Variants in CDH9 observed in about 807,000 individuals in gnomAD.
CDH9 encodes cadherin 9, also known as cadherin-9.
Under a neutral mutation model 70.9 loss-of-function variants are expected in CDH9, and 28 were observed. That is an observed-to-expected ratio of 0.40 (90% CI 0.29 to 0.54). CDH9 has a LOEUF of 0.54. CDH9 is among the 20% of genes least tolerant of loss of function. The pLI is 0.59. For missense variants in CDH9, 874 were observed against 984.4 expected (o/e 0.89, Z 1.50); for synonymous variants, 409 against 343.1 (o/e 1.19, Z -2.12).
At chr5:26,912,204 A>G (rs1741066132) in intron 3 of CDH9, among the ~76,000 whole-genome samples, 1 of 152,034 alleles carries the variant, frequency 6.6e-6, no homozygotes, top group South Asian at 2.1e-4. Context: ...TTATTTATAG[A>G]TGTATTCTTA....
chr5:26,908,883 A>G (rs1404996806), intron 3 of CDH9, among the ~76,000 whole-genome samples: 1 of 152,200 alleles, frequency 6.6e-6, no homozygotes, highest in Non-Finnish European at 1.5e-5. Flanking sequence ...AGTGTGTTAG[A>G]TTATAGGGAA....
intron 2 of CDH9, 26 bp from the exon 3 acceptor site, chr5:26,915,950 T>C: frequency 6.7e-7 from 1 of 1,486,246 alleles, no homozygotes; most frequent in South Asian, 1.2e-5. Context: ...AAAGAAGAGT[T>C]CTGTAAATAT....
chr5:26,907,795 T>G (rs985321371), intron 3 of CDH9, among the ~76,000 whole-genome samples: 4 of 152,076 alleles, frequency 2.6e-5, no homozygotes, highest in Non-Finnish European at 5.9e-5. Context: ...TTCAGTATAT[T>G]TTACATAATT....
chr5:26,962,417 A>G (rs538322155), intron 2 of CDH9, among the ~76,000 whole-genome samples: 1 of 152,298 alleles, frequency 6.6e-6, no homozygotes, highest in African/African-American at 2.4e-5. Context: ...ACAATGGTTG[A>G]ATTAATTTAC....
Position 26,881,022 on chromosome 5 carries a change from A to C in CDH9, c.*114T>G, listed in dbSNP as rs559559081. On this transcript the variant is annotated 3_prime_UTR_variant, in exon 12 of 12. Coordinates refer to ENST00000231021, the MANE Select transcript of CDH9 (RefSeq NM_016279.4). Reference sequence around the variant, plus strand: ...AATCCCTACTTGACAACATCTACGTATTGTTTGTAACTTCAATTTTTGAAA... The same window carrying C: ...AATCCCTACTTGACAACATCTACGTCTTGTTTGTAACTTCAATTTTTGAAA... 1.1e-6 allele frequency: 1 copy of C among 923,084 alleles called. No homozygotes were observed. Among genetic ancestry groups the C allele is most frequent in the East Asian group, 2.5e-5 (1 of 40,790 alleles). 57.2% of individuals were successfully genotyped at this position (923,084 alleles called of 1,614,324 possible). A position where few individuals can be genotyped will look rare whatever the true frequency, so the allele number is the denominator to read the frequency against.
Position 26,915,618 on chromosome 5 carries a change from G to C in CDH9, c.523+12C>G. 1 of 1,505,346 alleles carries C rather than the reference G, an allele frequency of 6.6e-7. No homozygotes were observed. The highest frequency in any genetic ancestry group is 9.2e-7 in the Non-Finnish European group (1 of 1,081,790). The allele number at this position is 1,505,346 out of a possible 1,614,324, so 93.2% of individuals were successfully genotyped here. A position where few individuals can be genotyped will look rare whatever the true frequency, so the allele number is the denominator to read the frequency against. Reference sequence around the variant, plus strand: ...AATAAAAAGTAGTTTACATGGATTAGAATATACCTACCGACTCCAGACATT... The same window carrying C: ...AATAAAAAGTAGTTTACATGGATTACAATATACCTACCGACTCCAGACATT... On this transcript the variant is annotated intron_variant, in intron 3 of 11. Coordinates refer to ENST00000231021, the MANE Select transcript of CDH9 (RefSeq NM_016279.4).
chr5:26,912,933 T>TA (rs1741078418), intron 3 of CDH9, among the ~76,000 whole-genome samples: 1 of 152,100 alleles, frequency 6.6e-6, no homozygotes, highest in Non-Finnish European at 1.5e-5. Context: ...CTGATGGTTT[T>TA]AAAAACAGGA....
At position 26,881,192 on chromosome 5, in the gene CDH9, G is replaced by T. The variant is rs1404310613; in HGVS notation, c.2314C>A (p.Pro772Thr). 1 of 1,612,728 alleles carries T rather than the reference G, an allele frequency of 6.2e-7. No homozygotes were observed. Among genetic ancestry groups the T allele is most frequent in the Non-Finnish European group, 8.5e-7 (1 of 1,179,186 alleles). Residue 772 changes from proline (P) to threonine (T), a missense_variant, in exon 12 of 12, where the codon CCT (proline) becomes ACT (threonine). Transcript: ENST00000231021. ...QDYDYLSDWG[P>T]RFKKLADMYG... ...ATATCGGCAAGTTTTTTGAAACGAGGCCCCCAGTCACTGAGGTAATCATAA... is the reference window on the plus strand; with the variant it reads ...ATATCGGCAAGTTTTTTGAAACGAGTCCCCCAGTCACTGAGGTAATCATAA...
intron 1 of CDH9, among the ~76,000 whole-genome samples, chr5:27,004,185 A>T (rs1011229384): frequency 2.2e-4 from 33 of 151,522 alleles, no homozygotes; most frequent in Non-Finnish European, 4.0e-4. Flanking sequence ...GAGATAGGGC[A>T]TGAGACATGA....
At chr5:26,962,968 T>C (rs1050977583) in intron 2 of CDH9, among the ~76,000 whole-genome samples, 3 of 152,294 alleles carry the variant, frequency 2.0e-5, no homozygotes, top group African/African-American at 7.2e-5. Flanking sequence ...CTCAATATAT[T>C]TTCCTACAGA....
intron 1 of CDH9, among the ~76,000 whole-genome samples, chr5:27,000,978 T>A (rs1742757311): frequency 6.6e-6 from 1 of 152,008 alleles, no homozygotes; most frequent in Non-Finnish European, 1.5e-5. Flanking sequence ...GATGAACAGG[T>A]GAAGCAAAGG....
intron 2 of CDH9, among the ~76,000 whole-genome samples, chr5:26,979,111 C>G (rs946891201): frequency 6.6e-6 from 1 of 151,396 alleles, no homozygotes; most frequent in Non-Finnish European, 1.5e-5. Flanking sequence ...AAAAGATTAT[C>G]TTTATTTCTA....
chr5:26,901,910 A>C (rs1406269966), intron 7 of CDH9, among the ~76,000 whole-genome samples: 1 of 151,960 alleles, frequency 6.6e-6, no homozygotes, highest in Non-Finnish European at 1.5e-5. Context: ...CTCTGTTATG[A>C]GAATATAATT....
chr5:27,027,592 GAAGTATAGAGTATAACT>G, intron 1 of CDH9, among the ~76,000 whole-genome samples: 1 of 152,172 alleles, frequency 6.6e-6, no homozygotes, highest in African/African-American at 2.4e-5. Context: ...ACTCACACAT[GAAGTATAGAGTATAACT>G]AATTTTTGTA....
At chr5:26,906,895 A>G in intron 3 of CDH9, 57 bp from the exon 4 acceptor site, 1 of 1,497,444 alleles carries the variant, frequency 6.7e-7, no homozygotes. Context: ...AATCTGAAAC[A>G]ATCTTTCTTA....
At chr5:26,991,810 C>A (rs1439598167) in intron 1 of CDH9, among the ~76,000 whole-genome samples, 1 of 152,046 alleles carries the variant, frequency 6.6e-6, no homozygotes, top group Non-Finnish European at 1.5e-5. Flanking sequence ...TCATTTATAT[C>A]AGGAGAAAAG....
At chr5:27,001,842 A>ACTCTCTCTCTCTCTCT (rs1430161167) in intron 1 of CDH9, among the ~76,000 whole-genome samples, 12 of 125,856 alleles carry the variant, frequency 9.5e-5, no homozygotes, top group African/African-American at 3.4e-4. Flanking sequence ...ACACACACAC[A>ACTCTCTCTCTCTCTCT]CACTCTCTCT....
chr5:26,953,675 T>A (rs1741891537), intron 2 of CDH9, among the ~76,000 whole-genome samples: 1 of 152,320 alleles, frequency 6.6e-6, no homozygotes, highest in African/African-American at 2.4e-5. Context: ...TGCCTATACC[T>A]TTTGTTTCCT....
intron 2 of CDH9, among the ~76,000 whole-genome samples, chr5:26,968,209 A>C (rs1393671399): frequency 6.6e-6 from 1 of 152,202 alleles, no homozygotes; most frequent in Admixed American, 6.5e-5. Flanking sequence ...TATATACAGA[A>C]ATAAATTCAG....
Sources: gnomAD v4.1 joint callset for allele counts (sites outside exome capture counted in the v4.1 genomes callset) on GRCh38, gnomAD v4.1.1 for gene constraint, MANE v1.5 for transcripts, NCBI Gene and HGNC (gene_info 2026-07-23, HGNC 2026-07-21) for gene names.